JAK1: variants seen among roughly 807,000 people sequenced by gnomAD.
JAK1 encodes the protein Janus kinase 1, also known as tyrosine-protein kinase JAK1.
A neutral mutation model predicts 136.6 loss-of-function variants in JAK1; 16 were observed. The observed-to-expected ratio is 0.12, with a 90% CI of 0.08 to 0.18. JAK1 has a LOEUF of 0.18. Ranked by LOEUF, JAK1 falls within the 10% of genes least tolerant of loss-of-function variation. The pLI, the probability that JAK1 is intolerant of heterozygous loss-of-function variation, is 1.00. For missense variants in JAK1, 859 were observed against 1,450.1 expected (o/e 0.59, Z 6.62); for synonymous variants, 492 against 519.5 (o/e 0.95, Z 0.72).
chr1:64,997,674 A>T (rs1024898048), intron 2 of JAK1, among the ~76,000 whole-genome samples: 6 of 152,206 alleles, frequency 3.9e-5, no homozygotes, highest in Non-Finnish European at 8.8e-5. Flanking sequence ...TAATGGGTTT[A>T]TAATGGTTGC....
At chr1:65,036,603 T>G (rs1416917351) in intron 2 of JAK1, among the ~76,000 whole-genome samples, 1 of 152,240 alleles carries the variant, frequency 6.6e-6, no homozygotes, top group Non-Finnish European at 1.5e-5. Context: ...CATAACTGCT[T>G]TCACTTAGGC....
intron 2 of JAK1, 59 bp from the exon 3 acceptor site, chr1:64,883,534 CA>C: frequency 7.0e-7 from 1 of 1,436,140 alleles, no homozygotes; most frequent in Non-Finnish European, 9.7e-7. Context: ...GTTCTTATGG[CA>C]AAAGGGAGTG....
In JAK1 at chr1:65,007,066, T is replaced by C. The variant is rs377535706; in HGVS notation, c.-78+37414A>G. ...TAATAGCCAAGCAAACAAGTTTAGC[T>C]TGGGGCTTGGGTGGTCAAGGAAGCC... On this transcript the variant is annotated intron_variant, in intron 2 of 25. Coordinates refer to the JAK1 transcript ENST00000671954. Among the ~76,000 whole-genome samples the C allele has an allele frequency of 1.2e-4, 18 of 152,304 alleles. 1 individual carries two copies. The highest frequency in any genetic ancestry group is 3.3e-4 in the Admixed American group (5 of 15,296).
At chr1:64,840,181 C>T (rs1336143667) in intron 19 of JAK1, among the ~76,000 whole-genome samples, 4 of 152,210 alleles carry the variant, frequency 2.6e-5, no homozygotes, top group Admixed American at 6.5e-5. Context: ...CATGAGGAGT[C>T]TTTAGAAGAC....
chr1:65,045,097 C>T (rs975032882), intron 1 of JAK1, among the ~76,000 whole-genome samples: 2 of 152,176 alleles, frequency 1.3e-5, no homozygotes, highest in African/African-American at 4.8e-5. Context: ...CGGTCAGCAC[C>T]GCTAAATGAC....
At chr1:65,053,017 AAG>A (rs1463759682) in intron 1 of JAK1, among the ~76,000 whole-genome samples, 8 of 141,478 alleles carry the variant, frequency 5.7e-5, no homozygotes, top group African/African-American at 2.2e-4. Flanking sequence ...GTGACAGAGC[AAG>A]ACTCTTGTCT....
chr1:65,052,390 T>C (rs1470597458), intron 1 of JAK1, among the ~76,000 whole-genome samples: 1 of 152,120 alleles, frequency 6.6e-6, no homozygotes, highest in East Asian at 1.9e-4. Flanking sequence ...TTACAAATGA[T>C]GACTAGGCCG....
intron 12 of JAK1, among the ~76,000 whole-genome samples, chr1:64,849,813 A>G (rs1037004080): frequency 1.3e-5 from 2 of 152,170 alleles, no homozygotes; most frequent in Non-Finnish European, 2.9e-5. Flanking sequence ...AGGCTATGAA[A>G]CTGTGGCTCT....
At chr1:65,017,894 C>T (rs147667102) in intron 2 of JAK1, among the ~76,000 whole-genome samples, 6,797 of 151,872 alleles carry the variant, frequency 0.045, 251 homozygotes, top group South Asian at 0.1. Flanking sequence ...ACTGCAAGCT[C>T]CACCTCCTGG....
At chr1:64,991,924 A>G (rs1646660055) in intron 2 of JAK1, 1 of 152,252 alleles carries the variant, frequency 6.6e-6, no homozygotes, top group Non-Finnish European at 1.5e-5. Flanking sequence ...GCTGAAAGAG[A>G]TTAATGAAGA....
chr1:64,981,172 C>A (rs1646541951), intron 2 of JAK1, among the ~76,000 whole-genome samples: 1 of 152,178 alleles, frequency 6.6e-6, no homozygotes, highest in Admixed American at 6.5e-5. Context: ...GAGAAACCCA[C>A]AGGGCTATGA....
At chr1:64,953,660 A>T (rs933654813) in intron 1 of JAK1, among the ~76,000 whole-genome samples, 18 of 151,566 alleles carry the variant, frequency 1.2e-4, no homozygotes, top group Non-Finnish European at 1.8e-4. Context: ...AAAACAAAAA[A>T]TTTTTTTTTA....
intron 4 of JAK1, among the ~76,000 whole-genome samples, chr1:64,874,000 A>G (rs1191390234): frequency 1.3e-5 from 2 of 152,242 alleles, no homozygotes; most frequent in East Asian, 3.8e-4. Context: ...GATTGCTGCT[A>G]TTCAACTGAT....
intron 1 of JAK1, among the ~76,000 whole-genome samples, chr1:64,934,896 G>A (rs1413242193): frequency 1.3e-5 from 2 of 152,192 alleles, no homozygotes; most frequent in Non-Finnish European, 2.9e-5. Context: ...GTGCTCATCA[G>A]ATGAATGATG....
intron 2 of JAK1, among the ~76,000 whole-genome samples, chr1:65,033,795 G>A (rs1647046608): frequency 6.6e-6 from 1 of 151,220 alleles, no homozygotes; most frequent in Non-Finnish European, 1.5e-5. Flanking sequence ...GGTAGACAGA[G>A]TAAGAGCTTT....
chr1:64,846,900 C>T (rs2780822), intron 13 of JAK1, 164 bp from the exon 14 acceptor site: 175,595 of 604,038 alleles, frequency 0.29, 29,391 homozygotes, highest in African/African-American at 0.61. Flanking sequence ...AGAGGCACTG[C>T]CAAGCCTTGT....
intron 2 of JAK1, among the ~76,000 whole-genome samples, chr1:65,025,737 G>C (rs942742052): frequency 6.6e-6 from 1 of 152,042 alleles, no homozygotes; most frequent in Non-Finnish European, 1.5e-5. Flanking sequence ...GAGTGCACTG[G>C]CATGATCACA....
chr1:64,850,753 T>C (rs2101029222), intron 12 of JAK1, 51 bp downstream of exon 12: 1 of 1,225,770 alleles, frequency 8.2e-7, no homozygotes, highest in Non-Finnish European at 1.2e-6. Context: ...AGCTGCTCCA[T>C]CGTGGGGAGG....
At chr1:65,017,798 A>AT (rs1236519045) in intron 2 of JAK1, among the ~76,000 whole-genome samples, 2 of 151,920 alleles carry the variant, frequency 1.3e-5, no homozygotes, top group Non-Finnish European at 2.9e-5. Context: ...AGTGGAAAAA[A>AT]TTTTTAATTG....
Sources: gnomAD v4.1 joint callset for allele counts (sites outside exome capture counted in the v4.1 genomes callset) on GRCh38, gnomAD v4.1.1 for gene constraint, MANE v1.5 for transcripts, NCBI Gene and HGNC (gene_info 2026-07-23, HGNC 2026-07-21) for gene names.